PHGDH: variants seen among roughly 807,000 people sequenced by gnomAD.
The protein encoded by PHGDH is D-3-phosphoglycerate dehydrogenase.
Under a neutral mutation model 52.6 loss-of-function variants are expected in PHGDH, and 50 were observed. That is an observed-to-expected ratio of 0.95 (90% confidence interval 0.76 to 1.20). PHGDH has a LOEUF of 1.20. Ranked by LOEUF, PHGDH falls within the 50% of genes most tolerant of loss-of-function variation. The pLI is 0.00. For missense variants in PHGDH, 630 were observed against 684.6 expected (o/e 0.92, Z 0.89); for synonymous variants, 271 against 280.5 (o/e 0.97, Z 0.34).
intron 8 of PHGDH, 175 bp from the exon 9 acceptor site, chr1:119,740,211 G>T: frequency 1.6e-6 from 1 of 638,136 alleles, no homozygotes. Context: ...TCATTTGTAG[G>T]AACAAGTCCT....
At chr1:119,732,842 C>G (rs1460728250) in intron 5 of PHGDH, among the ~76,000 whole-genome samples, 1 of 152,156 alleles carries the variant, frequency 6.6e-6, no homozygotes, top group Non-Finnish European at 1.5e-5. Context: ...CCAGGTTGTT[C>G]TTGGCTCCTG....
At chr1:119,718,350 T>A (rs1194484046) in intron 1 of PHGDH, among the ~76,000 whole-genome samples, 1 of 152,240 alleles carries the variant, frequency 6.6e-6, no homozygotes, top group Non-Finnish European at 1.5e-5. Flanking sequence ...AATTGTAATA[T>A]CTGTCTTAGG....
intron 5 of PHGDH, among the ~76,000 whole-genome samples, chr1:119,732,438 C>T (rs1043231936): frequency 6.6e-6 from 1 of 152,158 alleles, no homozygotes; most frequent in Non-Finnish European, 1.5e-5. Context: ...AGAGGTGCTC[C>T]AATGTCTGTA....
intron 8 of PHGDH, chr1:119,740,078 A>T (rs587715412): frequency 1.7e-5 from 7 of 407,180 alleles, no homozygotes; most frequent in African/African-American, 1.2e-4. Flanking sequence ...GTGCTGTCCA[A>T]TCCCTTCCCC....
chr1:119,738,939 C>A (rs912532019), intron 8 of PHGDH, among the ~76,000 whole-genome samples: 3 of 152,232 alleles, frequency 2.0e-5, no homozygotes, highest in Admixed American at 6.5e-5. Context: ...GTCAAAATAA[C>A]TACCCTTAGC....
chr1:119,743,120 A>G lies in PHGDH; in HGVS notation c.1447+76A>G, dbSNP rs1652291760. 3.3e-6 allele frequency: 3 copies of G among 915,378 alleles called. No homozygotes were observed. The Admixed American group carries it at 5.1e-5, about 15-fold the overall frequency. The allele number at this position is 915,378 out of a possible 1,614,324, so 56.7% of individuals were successfully genotyped here. ...TCTGCCCTGGAATTGAACTCTACCCACCTTCCTTTAGCCCCTCTTCATGTC... is the reference window on the plus strand; with the variant it reads ...TCTGCCCTGGAATTGAACTCTACCCGCCTTCCTTTAGCCCCTCTTCATGTC... On this transcript the variant is annotated intron_variant, in intron 11 of 11. Coordinates refer to ENST00000641023, the MANE Select transcript of PHGDH (RefSeq NM_006623.4).
rs763847702 is a variant in PHGDH, at chr1:119,744,051, C to G, written c.*11C>G. The G allele has an allele frequency of 3.7e-6, 6 of 1,613,494 alleles. No individual in the cohort carries two copies. The highest frequency in any genetic ancestry group is 4.2e-6 in the Non-Finnish European group (5 of 1,179,410). On this transcript the variant is annotated 3_prime_UTR_variant, in exon 12 of 12. Transcript: ENST00000641023. Reference sequence around the variant, plus strand: ...CAGTTCCACTTCTAACCTTGGAGCTCACTGGTCCCTGCCTCTGGGGCTTTT... The same window carrying G: ...CAGTTCCACTTCTAACCTTGGAGCTGACTGGTCCCTGCCTCTGGGGCTTTT...
At chr1:119,728,537 C>A (rs1352829867) in intron 5 of PHGDH, among the ~76,000 whole-genome samples, 1 of 152,206 alleles carries the variant, frequency 6.6e-6, no homozygotes, top group Non-Finnish European at 1.5e-5. Flanking sequence ...CAGGTCTCTG[C>A]CTTTTCCTAC....
At position 119,723,395 on chromosome 1, in the gene PHGDH, C is replaced by T. The variant is rs1343309375; in HGVS notation, c.310C>T (p.Leu104Phe). 5 of 1,613,692 alleles carry T rather than the reference C, an allele frequency of 3.1e-6. No individual in the cohort carries two copies. The highest frequency in any genetic ancestry group is 3.3e-5 in the Admixed American group (2 of 59,996). Reference sequence around the variant, plus strand: ...CTTTAGCACCCCCAATGGGAACAGCCTCAGTGCCGCAGAACTCACTTGTGG... The same window carrying T: ...CTTTAGCACCCCCAATGGGAACAGCTTCAGTGCCGCAGAACTCACTTGTGG... Reference protein sequence around the residue: ...LVMNTPNGNSLSAAELTCGMI... With the variant: ...LVMNTPNGNSFSAAELTCGMI... The change falls in exon 3 of 12, where the codon CTC becomes TTC. Residue 104 changes from leucine to phenylalanine, a missense_variant. Coordinates refer to ENST00000641023, the MANE Select transcript of PHGDH (RefSeq NM_006623.4).
chr1:119,711,963 G>A lies in PHGDH; in HGVS notation c.-60G>A. On this transcript the variant is annotated 5_prime_UTR_variant, in exon 1 of 12. Transcript: ENST00000641023. ...TTACTCTAGCGCGCCAGGCCGAACC[G>A]CAGCTTCTTGGCTTAGGTACTTCTA... The A allele has an allele frequency of 3.8e-6, 6 of 1,596,600 alleles. No homozygotes were observed. The highest frequency in any genetic ancestry group is 5.1e-6 in the Non-Finnish European group (6 of 1,165,954).
intron 8 of PHGDH, chr1:119,740,010 T>C: frequency 4.5e-6 from 1 of 220,086 alleles, no homozygotes; most frequent in Non-Finnish European, 9.1e-6. Flanking sequence ...GACCCGTCAC[T>C]CCTCATCCAA....
In PHGDH at chr1:119,721,196, TG is replaced by T. The variant is rs1557967791; in HGVS notation, c.166del (p.Ala56ProfsTer4). 1.9e-6 allele frequency: 3 copies of T among 1,614,218 alleles called. No individual in the cohort carries two copies. The highest frequency in any genetic ancestry group is 1.7e-6 in the Non-Finnish European group (2 of 1,180,024). On this transcript the variant is annotated frameshift_variant, in exon 2 of 12. Coordinates refer to ENST00000641023, the MANE Select transcript of PHGDH (RefSeq NM_006623.4). LOFTEE classifies it high-confidence loss of function. ...QDCEGLIVRS[A>X]TKVTADVINA... Reference sequence around the variant, plus strand: ...ACTGTGAAGGCCTTATTGTTCGCTCTGCCACCAAGGTGACCGCTGATGTCAT... The same window carrying T: ...ACTGTGAAGGCCTTATTGTTCGCTCTCCACCAAGGTGACCGCTGATGTCAT...
chr1:119,742,804 C>T lies in PHGDH; in HGVS notation c.1210-3C>T, dbSNP rs1652271042. On this transcript the variant is annotated splice_polypyrimidine_tract_variant and splice_region_variant and intron_variant, in intron 10 of 11. Transcript: ENST00000641023. ...TAACAGTCACCTTGCCTTCTCCACA[C>T]AGGTCACCACCTCCCACAGCCCTGC... The T allele has an allele frequency of 1.3e-6, 2 of 1,588,214 alleles. No individual in the cohort carries two copies. The highest frequency in any genetic ancestry group is 1.7e-6 in the Non-Finnish European group (2 of 1,161,852).
chr1:119,733,798 T>G (rs972493847), intron 5 of PHGDH, among the ~76,000 whole-genome samples: 1 of 152,174 alleles, frequency 6.6e-6, no homozygotes, highest in Non-Finnish European at 1.5e-5. Context: ...GTATTCTTTG[T>G]TTTTGTCTAA....
intron 3 of PHGDH, 141 bp from the exon 4 acceptor site, chr1:119,726,710 G>A (rs587768995): frequency 2.5e-5 from 18 of 729,658 alleles, no homozygotes; most frequent in South Asian, 2.3e-4. Flanking sequence ...CCCCATCAGT[G>A]TTCCTAAACC....
chr1:119,723,495 C>T (rs1480617890), intron 3 of PHGDH, 54 bp downstream of exon 3: 3 of 1,375,456 alleles, frequency 2.2e-6, no homozygotes, highest in African/African-American at 2.8e-5. Context: ...CAATTATTAC[C>T]ACTTGCCAAG....
At chr1:119,712,475 G>A (rs866257579) in intron 1 of PHGDH, 5 of 382,214 alleles carry the variant, frequency 1.3e-5, no homozygotes, top group East Asian at 6.1e-5. Context: ...CGGGATGCCA[G>A]CGCGGCGCCC....
intron 5 of PHGDH, among the ~76,000 whole-genome samples, chr1:119,731,091 G>T (rs904604714): frequency 1.3e-5 from 2 of 152,190 alleles, no homozygotes; most frequent in Non-Finnish European, 2.9e-5. Context: ...AAGCTTTTCT[G>T]GGGGAGCAGG....
chr1:119,744,148 A>C lies in PHGDH; in HGVS notation c.*108A>C. 1 of 910,632 alleles carries C rather than the reference A, an allele frequency of 1.1e-6. No individual in the cohort carries two copies. The highest frequency in any genetic ancestry group is 1.3e-5 in the South Asian group (1 of 75,794). The allele number at this position is 910,632 out of a possible 1,614,324, so 56.4% of individuals were successfully genotyped here. A position where few individuals can be genotyped will look rare whatever the true frequency, so the allele number is the denominator to read the frequency against. On this transcript the variant is annotated 3_prime_UTR_variant, in exon 12 of 12. Coordinates refer to ENST00000641023, the MANE Select transcript of PHGDH (RefSeq NM_006623.4). The stretch of plus-strand genomic sequence containing the variant: ...TTCTTGGGCTGAACGCGGGCCTCTG[A>C]CACTGCTTACACTGCACTCTGACCC...
Sources: allele counts gnomAD v4.1 joint callset (sites outside exome capture counted in the v4.1 genomes callset), GRCh38; gene constraint gnomAD v4.1.1; transcripts MANE v1.5; gene names NCBI Gene and HGNC (gene_info 2026-07-23, HGNC 2026-07-21).